CHMP7: variants seen among roughly 807,000 people sequenced by gnomAD.
CHMP7 encodes charged multivesicular body protein 7, also known as CHMP family, member 7.
CHMP7 carries 15 observed loss-of-function variants against 53.7 expected under a neutral mutation model. The observed-to-expected ratio is 0.28, with a 90% CI of 0.19 to 0.43. The LOEUF (loss-of-function observed/expected upper bound fraction) is 0.43, where lower values mean the gene tolerates loss of function less well. CHMP7 is among the 20% of genes least tolerant of loss of function. CHMP7 has a pLI of 1.00. For synonymous variants in CHMP7, 261 were observed against 228.0 expected (o/e 1.14, Z -1.30); for missense variants, 527 against 569.4 (o/e 0.93, Z 0.76).
chr8:23,249,890 C>T (rs1164243615), intron 3 of CHMP7, among the ~76,000 whole-genome samples: 1 of 152,184 alleles, frequency 6.6e-6, no homozygotes, highest in Non-Finnish European at 1.5e-5. Flanking sequence ...GTCAGTCAGC[C>T]TCCTCCCGGC....
At chr8:23,258,575 C>CT in intron 7 of CHMP7, 126 bp downstream of exon 7, 2 of 1,409,326 alleles carry the variant, frequency 1.4e-6, no homozygotes, top group Admixed American at 1.8e-5. Context: ...TTGCCTTTGC[C>CT]TTTCCAGTCA....
intron 7 of CHMP7, 115 bp downstream of exon 7, chr8:23,258,564 G>A (rs1802231207): frequency 1.4e-6 from 2 of 1,460,310 alleles, no homozygotes; most frequent in South Asian, 2.4e-5. Context: ...TGTGGCTGGG[G>A]TTGCCTTTGC....
chr8:23,253,116 T>C (rs1292317540), intron 3 of CHMP7, among the ~76,000 whole-genome samples: 1 of 151,990 alleles, frequency 6.6e-6, no homozygotes, highest in Non-Finnish European at 1.5e-5. Context: ...TAAACAGTGG[T>C]CTTCCTTCAG....
intron 5 of CHMP7, among the ~76,000 whole-genome samples, chr8:23,257,027 C>T (rs971460050): frequency 3.6e-4 from 55 of 151,014 alleles, no homozygotes; most frequent in Non-Finnish European, 5.9e-4. Context: ...CTCCTGACCT[C>T]GTGATCCGCC....
At position 23,246,876 on chromosome 8, in the gene CHMP7, C is replaced by G; in HGVS notation, c.181C>G (p.Leu61Val). 3 of 1,591,470 alleles carry G rather than the reference C, an allele frequency of 1.9e-6. No individual in the cohort carries two copies. The highest frequency in any genetic ancestry group is 2.6e-6 in the Non-Finnish European group (3 of 1,169,826). Residue 61 changes from leucine to valine, a missense_variant, in exon 2 of 11, where the codon CTG becomes GTG. Physicochemically the swap from Leu to Val is conservative, Grantham distance 32. Transcript: ENST00000397677. ...SKMGFWAPLV[L>V]SHSRRQGVVR... ...GATGGGCTTCTGGGCGCCGTTGGTGCTGAGCCACAGCCGCCGCCAGGGGGT... is the reference window on the plus strand; with the variant it reads ...GATGGGCTTCTGGGCGCCGTTGGTGGTGAGCCACAGCCGCCGCCAGGGGGT...
chr8:23,245,010 G>A lies in CHMP7; in HGVS notation c.-441+1166G>A, dbSNP rs1253293714. 2.6e-5 allele frequency among the ~76,000 whole-genome samples: 4 copies of A among 152,168 alleles called. No individual in the cohort carries two copies. The East Asian group carries it at 7.7e-4, about 29-fold the overall frequency. On this transcript the variant is annotated intron_variant, in intron 1 of 10. Transcript: ENST00000397677. ...GCAATCTTGTTCTCATTGCCTCTTA[G>A]TTCCAGGACATCGATTTGGCAATTC...
At chr8:23,259,008 G>A (rs1802257447) in intron 8 of CHMP7, 58 bp from the exon 9 acceptor site, 1 of 1,210,838 alleles carries the variant, frequency 8.3e-7, no homozygotes, top group South Asian at 1.2e-5. Flanking sequence ...TTCCACCAAA[G>A]ACTGAGATGC....
intron 1 of CHMP7, among the ~76,000 whole-genome samples, chr8:23,245,358 A>C (rs973527868): frequency 6.6e-6 from 1 of 152,192 alleles, no homozygotes; most frequent in African/African-American, 2.4e-5. Context: ...GGATTTTGTC[A>C]AATGCTTTTT....
At chr8:23,257,035 G>A (rs927379355) in intron 5 of CHMP7, among the ~76,000 whole-genome samples, 4 of 150,396 alleles carry the variant, frequency 2.7e-5, no homozygotes, top group South Asian at 2.1e-4. Context: ...CTCGTGATCC[G>A]CCCGCCTCTG....
Position 23,260,537 on chromosome 8 carries a change from G to T in CHMP7, c.1301-1G>T. On this transcript the variant is annotated splice_acceptor_variant, in intron 10 of 10. Coordinates refer to ENST00000397677, the MANE Select transcript of CHMP7 (RefSeq NM_152272.5). LOFTEE classifies it high-confidence loss of function. ...TGTTCAGTCATTTCTTTGCCTTGCA[G>T]GTTTGGTCCCAAGCAGTAAATCTCC... 1 of 1,613,990 alleles carries T rather than the reference G, an allele frequency of 6.2e-7. No individual in the cohort carries two copies. The highest frequency in any genetic ancestry group is 8.5e-7 in the Non-Finnish European group (1 of 1,179,848).
In CHMP7 at chr8:23,259,980, C is replaced by G. The variant is rs1012767811; in HGVS notation, c.1121-164C>G. The G allele has an allele frequency of 4.9e-6, 3 of 606,084 alleles. No individual in the cohort carries two copies. The African/African-American group carries it at 5.6e-5, about 11-fold the overall frequency. 37.5% of individuals were successfully genotyped at this position (606,084 alleles called of 1,614,324 possible). ...TTAGCTTGGAGTGTGGAAGAATCAT[C>G]TCTGCTTGAAGCTACCCTCCTGACT... On this transcript the variant is annotated intron_variant, in intron 9 of 10. Coordinates refer to ENST00000397677, the MANE Select transcript of CHMP7 (RefSeq NM_152272.5).
At chr8:23,258,140 C>T in intron 6 of CHMP7, 59 bp downstream of exon 6, 1 of 1,502,256 alleles carries the variant, frequency 6.7e-7, no homozygotes, top group Non-Finnish European at 9.2e-7. Flanking sequence ...GGAGCAATGC[C>T]CAGCAGTTCA....
chr8:23,244,720 A>G (rs1801626607), intron 1 of CHMP7, among the ~76,000 whole-genome samples: 1 of 152,244 alleles, frequency 6.6e-6, no homozygotes, highest in South Asian at 2.1e-4. Flanking sequence ...CTACAGATCA[A>G]TTTGGGAAGA....
In CHMP7 at chr8:23,246,491, G is replaced by C; in HGVS notation, c.-205G>C. On this transcript the variant is annotated 5_prime_UTR_variant, in exon 2 of 11. Transcript: ENST00000397677. ...CAAGCGCTCGGTGTCTCTCTGAAAA[G>C]AACTTCATCATACTGCCTCCTGGCT... The C allele has an allele frequency of 5.8e-6, 3 of 518,044 alleles. No homozygotes were observed. Among genetic ancestry groups the C allele is most frequent in the Non-Finnish European group, 1.0e-5 (3 of 288,002 alleles). 32.1% of individuals were successfully genotyped at this position (518,044 alleles called of 1,614,324 possible).
chr8:23,257,340 C>A (rs979229616), intron 5 of CHMP7, among the ~76,000 whole-genome samples: 1 of 152,100 alleles, frequency 6.6e-6, no homozygotes, highest in South Asian at 2.1e-4. Flanking sequence ...AAACAAGACC[C>A]CCACCTCAGC....
intron 8 of CHMP7, 102 bp downstream of exon 8, chr8:23,258,932 T>C: frequency 9.4e-7 from 1 of 1,062,174 alleles, no homozygotes; most frequent in Non-Finnish European, 1.5e-6. Context: ...CTTGTGACCT[T>C]GTGAACTTGA....
Position 23,260,964 on chromosome 8 carries a change from T to A in CHMP7, c.*365T>A. ...GGGAAAGATTTGCAGCTTTGCCAAA[T>A]CTGAATCAGTTCCCACTCCCCCCTG... On this transcript the variant is annotated 3_prime_UTR_variant, in exon 11 of 11. Coordinates refer to ENST00000397677, the MANE Select transcript of CHMP7 (RefSeq NM_152272.5). 3.4e-6 allele frequency: 1 copy of A among 294,238 alleles called. No homozygotes were observed. Among genetic ancestry groups the A allele is most frequent in the South Asian group, 6.0e-5 (1 of 16,734 alleles). The allele number at this position is 294,238 out of a possible 1,614,324, so 18.2% of individuals were successfully genotyped here. A position where few individuals can be genotyped will look rare whatever the true frequency, so the allele number is the denominator to read the frequency against.
intron 2 of CHMP7, among the ~76,000 whole-genome samples, chr8:23,247,526 T>C (rs1054212891): frequency 3.3e-5 from 5 of 152,188 alleles, no homozygotes; most frequent in Non-Finnish European, 5.9e-5. Flanking sequence ...AGGGCTTTGC[T>C]GAGTATCTGA....
chr8:23,255,488 G>C (rs189147669), intron 4 of CHMP7, 56 bp downstream of exon 4: 46 of 1,535,934 alleles, frequency 3.0e-5, no homozygotes, highest in Non-Finnish European at 4.1e-5. Context: ...TAAGTACATA[G>C]AGTAGTGAGC....
Sources: gnomAD v4.1 joint callset for allele counts (sites outside exome capture counted in the v4.1 genomes callset) on GRCh38, gnomAD v4.1.1 for gene constraint, MANE v1.5 for transcripts, NCBI Gene and HGNC (gene_info 2026-07-23, HGNC 2026-07-21) for gene names.